The following RANBP3 variants were observed in gnomAD, a reference collection of about 807,000 sequenced individuals.
RANBP3 encodes the protein RAN binding protein 3.
A neutral mutation model predicts 77.3 loss-of-function variants in RANBP3; 14 were observed. The ratio of observed to expected loss-of-function variants is 0.18; its 90% CI spans 0.12 to 0.28. The LOEUF is 0.28. Among genes scored for constraint, RANBP3 ranks in the 10% least tolerant of loss-of-function variants. The pLI, the probability that RANBP3 is intolerant of heterozygous loss-of-function variation, is 1.00. For missense variants in RANBP3, 586 were observed against 752.3 expected (o/e 0.78, Z 2.59); for synonymous variants, 315 against 312.4 (o/e 1.01, Z -0.09).
Position 5,924,899 on chromosome 19 carries a change from C to A in RANBP3, c.924G>T (p.Glu308Asp). 6.2e-7 allele frequency: 1 copy of A among 1,613,794 alleles called. No homozygotes were observed. The highest frequency in any genetic ancestry group is 1.1e-5 in the South Asian group (1 of 91,068). ...AGGCGTCGGCACTATTGGTTGAGTTCTCTAAACTGAAGAGAAGATGTGCAA... is the reference window on the plus strand; with the variant it reads ...AGGCGTCGGCACTATTGGTTGAGTTATCTAAACTGAAGAGAAGATGTGCAA... The part of the protein sequence containing the change: ...YFLQYISSSL[E>D]NSTNSADASS... The change falls in exon 11 of 17, where the codon GAG becomes GAT. Residue 308 changes from glutamate to aspartate, a missense_variant. Transcript: ENST00000340578. The surrounding 1 kb of genome is among the most constrained non-coding windows in gnomAD (Gnocchi z 4.7).
intron 1 of RANBP3, among the ~76,000 whole-genome samples, chr19:5,977,376 A>G (rs1297545014): frequency 6.6e-6 from 1 of 152,164 alleles, no homozygotes; most frequent in Non-Finnish European, 1.5e-5. Flanking sequence ...AGGGACTCGC[A>G]CGGTCTCTTG....
In RANBP3 at chr19:5,917,257, G is replaced by T. The variant is rs2057750597; in HGVS notation, c.*353C>A. On this transcript the variant is annotated 3_prime_UTR_variant, in exon 17 of 17. Transcript: ENST00000340578. ...AGGGTGTGGGTGGCGGAGAAGCCAG[G>T]GGCTCTGGCTGGACCCAGAGGCTGG... 2 of 366,690 alleles carry T rather than the reference G, an allele frequency of 5.5e-6. No individual in the cohort carries two copies. Among genetic ancestry groups the T allele is most frequent in the Non-Finnish European group, 5.1e-6 (1 of 196,460 alleles). The allele number at this position is 366,690 out of a possible 1,614,324, so 22.7% of individuals were successfully genotyped here.
At chr19:5,945,491 T>C (rs2058192447) in intron 3 of RANBP3, among the ~76,000 whole-genome samples, 2 of 152,330 alleles carry the variant, frequency 1.3e-5, no homozygotes, top group African/African-American at 2.4e-5. Context: ...GAATTTTCCA[T>C]GTGCACTTGA....
At chr19:5,940,276 C>T (rs1355790854) in intron 5 of RANBP3, among the ~76,000 whole-genome samples, 1 of 152,064 alleles carries the variant, frequency 6.6e-6, no homozygotes, top group Non-Finnish European at 1.5e-5. Context: ...TGCTGGTTTT[C>T]GATACAGCAA....
chr19:5,943,756 C>A (rs957508653), intron 3 of RANBP3, among the ~76,000 whole-genome samples: 1 of 152,192 alleles, frequency 6.6e-6, no homozygotes, highest in East Asian at 1.9e-4. Context: ...TTATCACTAT[C>A]CCCACGAGAT....
intron 1 of RANBP3, among the ~76,000 whole-genome samples, chr19:5,973,215 C>A (rs771814500): frequency 6.6e-6 from 1 of 152,178 alleles, no homozygotes; most frequent in Non-Finnish European, 1.5e-5. Flanking sequence ...TCAGTTCTAG[C>A]TAACCAATAA....
Position 5,951,524 on chromosome 19 carries a change from C to T in RANBP3, c.151G>A (p.Gly51Ser). 1.2e-6 allele frequency: 2 copies of T among 1,612,266 alleles called. No individual in the cohort carries two copies. The highest frequency in any genetic ancestry group is 1.7e-6 in the Non-Finnish European group (2 of 1,179,038). ...CCAGCTGACTCGGGGTGACCCGTGC[C>T]ATGGTGGGGGGCCTCAGCCTCCCCC... is the stretch of plus-strand genomic sequence containing the variant. ...PRGEAEAPHHGTGHPESAGEH... is the reference protein window; with the variant it reads ...PRGEAEAPHHSTGHPESAGEH... Residue 51 changes from glycine to serine, a missense_variant, in exon 3 of 17, where the codon GGC becomes AGC. By Grantham distance (56) the Gly-to-Ser change is moderately conservative (BLOSUM62 0). Transcript: ENST00000340578.
intron 7 of RANBP3, 111 bp downstream of exon 7, chr19:5,932,341 T>C: frequency 1.2e-6 from 1 of 800,282 alleles, no homozygotes; most frequent in East Asian, 2.6e-5. Context: ...CTCTCTGTAT[T>C]TCTGGTGCAT....
At chr19:5,931,317 G>A in intron 8 of RANBP3, 87 bp downstream of exon 8, 1 of 1,482,332 alleles carries the variant, frequency 6.7e-7, no homozygotes, top group Non-Finnish European at 9.1e-7. Flanking sequence ...GTGACAGCGT[G>A]TGGACTCCAC....
At chr19:5,963,271 T>C (rs1332787470) in intron 1 of RANBP3, among the ~76,000 whole-genome samples, 1 of 152,080 alleles carries the variant, frequency 6.6e-6, no homozygotes, top group Non-Finnish European at 1.5e-5. Flanking sequence ...AGAAAACCAA[T>C]ACGAGGCACA....
intron 1 of RANBP3, among the ~76,000 whole-genome samples, chr19:5,965,564 G>T (rs138239045): frequency 1.3e-4 from 20 of 152,270 alleles, no homozygotes; most frequent in African/African-American, 4.8e-4. Context: ...GGACAGGGTG[G>T]GTGGTGGGGG....
chr19:5,951,363 G>T (rs762523949), intron 3 of RANBP3, 30 bp downstream of exon 3: 2 of 1,540,092 alleles, frequency 1.3e-6, no homozygotes, highest in Non-Finnish European at 1.8e-6. Flanking sequence ...CCCCCTGGGC[G>T]GTAGGAGTGC....
intron 3 of RANBP3, among the ~76,000 whole-genome samples, chr19:5,948,211 G>A (rs2058231506): frequency 6.6e-6 from 1 of 152,204 alleles, no homozygotes; most frequent in Admixed American, 6.5e-5. Flanking sequence ...AGCACTTTGG[G>A]AGGCCGAGGT....
Position 5,923,909 on chromosome 19 carries a change from G to A in RANBP3, c.1002C>T (p.Pro334=), listed in dbSNP as rs1310960480. The A allele has an allele frequency of 6.2e-7, 1 of 1,613,730 alleles. No homozygotes were observed. The highest frequency in any genetic ancestry group is 8.5e-7 in the Non-Finnish European group (1 of 1,179,680). ...CTGAACTGACCTCGTTTAATTTTGG[G>A]GGGCTCTGCAGGGACACAAAAGCAT... ...GQNMSERVLS[P]PKLNEVSSDA... The change falls in exon 12 of 17, where the codon CCC becomes CCT. Residue 334 remains proline (P), a synonymous_variant. Coordinates refer to ENST00000340578, the MANE Select transcript of RANBP3 (RefSeq NM_007322.3).
chr19:5,951,572 A>T lies in RANBP3; in HGVS notation c.103T>A (p.Ser35Thr). The change falls in exon 3 of 17, where the codon TCG becomes ACG. Residue 35 changes from serine to threonine, a missense_variant. By Grantham distance (58) the Ser-to-Thr change is moderately conservative. Around this residue, in one of 5 missense-constraint regions of RANBP3, gnomAD observed 172 missense variants for 183.4 expected, o/e 0.94. Transcript: ENST00000340578. ...CCCCGAGGCTCCTCTCCCGAATCCG[A>T]CAAGTTTTTTTGCTCTGCAGGGGAC... is the stretch of plus-strand genomic sequence containing the variant. ...QKSPAEQKNL[S>T]DSGEEPRGEA... is the part of the protein sequence containing the mutation. 2 of 1,613,748 alleles carry T rather than the reference A, an allele frequency of 1.2e-6. No individual in the cohort carries two copies. Among genetic ancestry groups the T allele is most frequent in the South Asian group, 1.1e-5 (1 of 90,990 alleles).
At chr19:5,971,577 G>GAA (rs1465677850) in intron 1 of RANBP3, among the ~76,000 whole-genome samples, 1 of 152,248 alleles carries the variant, frequency 6.6e-6, no homozygotes. Flanking sequence ...AAAAAGAGCA[G>GAA]ATAGTGTCTT....
Position 5,917,641 on chromosome 19 carries a change from T to A in RANBP3, c.1673A>T (p.Glu558Val). The A allele has an allele frequency of 6.2e-7, 1 of 1,606,912 alleles. No individual in the cohort carries two copies. Among genetic ancestry groups the A allele is most frequent in the Non-Finnish European group, 8.5e-7 (1 of 1,179,022 alleles). The change falls in exon 17 of 17, where the codon GAA (glutamate) becomes GTA (valine). Residue 558 changes from glutamate to valine, a missense_variant. By Grantham distance (121) the Glu-to-Val change is moderately radical. Coordinates refer to ENST00000340578, the MANE Select transcript of RANBP3 (RefSeq NM_007322.3). ...GCTCCCGGTCGTCTGCCCGTCCCCT[T>A]CGTCACCAGCACCTGCAGGGAAGCA... ...SGATAAGAGDEGDGQTTGST is the reference protein window; with the variant it reads ...SGATAAGAGDVGDGQTTGST
At chr19:5,932,569 A>G (rs1599737620) in intron 6 of RANBP3, 25 bp from the exon 7 acceptor site, 2 of 1,601,966 alleles carry the variant, frequency 1.2e-6, no homozygotes, top group African/African-American at 2.7e-5. Context: ...CGGCCTTCCC[A>G]GTGCCCGTGG....
intron 1 of RANBP3, among the ~76,000 whole-genome samples, chr19:5,964,718 G>A (rs2058443064): frequency 6.6e-6 from 1 of 152,164 alleles, no homozygotes; most frequent in East Asian, 1.9e-4. Context: ...GCAGAGTGAG[G>A]AGTGCTGGAG....
Sources: allele counts gnomAD v4.1 joint callset (sites outside exome capture counted in the v4.1 genomes callset), GRCh38; gene constraint gnomAD v4.1.1; regional missense constraint gnomAD v4.1.1; non-coding constraint Gnocchi (gnomAD v3.1); transcripts MANE v1.5; gene names NCBI Gene and HGNC (gene_info 2026-07-23, HGNC 2026-07-21).